The following TAF4B variants were observed in gnomAD, a reference collection of about 807,000 sequenced individuals.
TAF4B encodes transcription initiation factor TFIID subunit 4B.
Under a neutral mutation model 86.4 loss-of-function variants are expected in TAF4B, and 38 were observed. The observed-to-expected ratio is 0.44, with a 90% CI of 0.34 to 0.58. TAF4B has a LOEUF of 0.58. TAF4B is among the 20% of genes least tolerant of loss of function. The pLI, the probability that TAF4B is intolerant of heterozygous loss-of-function variation, is 0.02. For synonymous variants in TAF4B, 388 were observed against 391.2 expected (o/e 0.99, Z 0.10); for missense variants, 988 against 1,027.6 (o/e 0.96, Z 0.53).
chr18:26,295,576 G>A (rs1167241697), intron 9 of TAF4B, among the ~76,000 whole-genome samples: 1 of 152,186 alleles, frequency 6.6e-6, no homozygotes, highest in South Asian at 2.1e-4. Flanking sequence ...GCTCGCTTGC[G>A]CACCTCTCAC....
At chr18:26,322,855 A>G (rs2056974122) in intron 11 of TAF4B, among the ~76,000 whole-genome samples, 2 of 151,784 alleles carry the variant, frequency 1.3e-5, no homozygotes, top group Non-Finnish European at 2.9e-5. Context: ...TCTTCCTTTT[A>G]TAATGTAGGC....
intron 1 of TAF4B, among the ~76,000 whole-genome samples, chr18:26,255,290 C>T (rs2056065289): frequency 1.3e-5 from 2 of 148,698 alleles, no homozygotes; most frequent in African/African-American, 4.9e-5. Flanking sequence ...GTAAGTTAGA[C>T]ACTGGCTTCA....
At position 26,292,253 on chromosome 18, in the gene TAF4B, A is replaced by G; in HGVS notation, c.1598A>G (p.Gln533Arg). ...TAGTTCTCATTGTTTCAGGTAGTTC[A>G]GCAGCCTTCAGGAGGCAATGAAAAA... Reference protein sequence around the residue: ...QAVQVKQLVVQQPSGGNEKQV... With the variant: ...QAVQVKQLVVRQPSGGNEKQV... The change falls in exon 8 of 15, where the codon CAG becomes CGG. Residue 533 changes from glutamine to arginine, a missense_variant. Physicochemically the swap from Gln to Arg is conservative, Grantham distance 43 (BLOSUM62 1). Coordinates refer to ENST00000269142, the MANE Select transcript of TAF4B (RefSeq NM_005640.3). The G allele has an allele frequency of 6.2e-7, 1 of 1,613,940 alleles. No homozygotes were observed.
rs1978615453 is a variant in TAF4B at position 26,390,067 on chromosome 18, G to A, written c.*55G>A. Reference sequence around the variant, plus strand: ...TATTTACTGCCAAAGAAGACACAAAGCATTGTTGCACTGTCCTGAAATTTC... The same window carrying A: ...TATTTACTGCCAAAGAAGACACAAAACATTGTTGCACTGTCCTGAAATTTC... On this transcript the variant is annotated 3_prime_UTR_variant, in exon 15 of 15. Transcript: ENST00000269142. 2.6e-6 allele frequency: 4 copies of A among 1,554,800 alleles called. No homozygotes were observed. The highest frequency in any genetic ancestry group is 1.4e-5 in the African/African-American group (1 of 73,134).
intron 14 of TAF4B, among the ~76,000 whole-genome samples, chr18:26,381,117 C>T (rs56215232): frequency 0.082 from 12,452 of 151,984 alleles, 609 homozygotes; most frequent in Middle Eastern, 0.13. Context: ...CAGGTTCAAG[C>T]GATCCTCCCA....
At chr18:26,293,554 T>G (rs1409245254) in intron 9 of TAF4B, 23 bp downstream of exon 9, 1 of 1,511,020 alleles carries the variant, frequency 6.6e-7, no homozygotes, top group Non-Finnish European at 8.9e-7. Flanking sequence ...ATAGTTAAAT[T>G]TGGTTTAAGG....
chr18:26,260,227 A>G (rs1305828710), intron 1 of TAF4B, among the ~76,000 whole-genome samples: 5 of 152,242 alleles, frequency 3.3e-5, no homozygotes, highest in Admixed American at 3.3e-4. Context: ...CCCATTCTGT[A>G]GGTTGCCTGT....
At chr18:26,264,294 A>G (rs892684992) in intron 1 of TAF4B, among the ~76,000 whole-genome samples, 4 of 152,308 alleles carry the variant, frequency 2.6e-5, no homozygotes, top group African/African-American at 9.6e-5. Flanking sequence ...CAAAAAAATT[A>G]GCTGGGCATG....
chr18:26,286,643 TTGCTTTG>T, intron 7 of TAF4B, 144 bp downstream of exon 7: 1 of 838,432 alleles, frequency 1.2e-6, no homozygotes, highest in Non-Finnish European at 1.8e-6. Context: ...TTTACCTCAT[TTGCTTTG>T]TTTTCCTCTT....
chr18:26,244,671 A>G (rs771632605), intron 1 of TAF4B, among the ~76,000 whole-genome samples: 21 of 152,312 alleles, frequency 1.4e-4, no homozygotes, highest in South Asian at 4.1e-4. Context: ...GGAGCTGTAG[A>G]CTGGAGCTGT....
intron 1 of TAF4B, among the ~76,000 whole-genome samples, chr18:26,262,896 C>A (rs2056189221): frequency 6.6e-6 from 1 of 152,114 alleles, no homozygotes; most frequent in Non-Finnish European, 1.5e-5. Flanking sequence ...AAGTGGAACT[C>A]CAGCTGTGAA....
intron 1 of TAF4B, among the ~76,000 whole-genome samples, chr18:26,239,029 G>C (rs926738593): frequency 3.9e-5 from 6 of 152,182 alleles, no homozygotes; most frequent in Non-Finnish European, 5.9e-5. Flanking sequence ...TTGCTATTGT[G>C]AATAGTGCTG....
chr18:26,359,265 A>G (rs1207545503), intron 14 of TAF4B, among the ~76,000 whole-genome samples: 2 of 152,178 alleles, frequency 1.3e-5, no homozygotes, highest in East Asian at 1.9e-4. Flanking sequence ...CAACCCTCCA[A>G]TGGACATTTA....
intron 13 of TAF4B, among the ~76,000 whole-genome samples, chr18:26,353,481 G>A (rs527759794): frequency 1.3e-5 from 2 of 152,110 alleles, no homozygotes; most frequent in Non-Finnish European, 2.9e-5. Flanking sequence ...CTGTAATCCC[G>A]GCACTTTGGG....
intron 12 of TAF4B, among the ~76,000 whole-genome samples, chr18:26,332,542 T>C (rs537497652): frequency 6.6e-5 from 10 of 152,144 alleles, no homozygotes; most frequent in African/African-American, 1.7e-4. Context: ...GTTGTTGTTA[T>C]TGTTTTTGAG....
At chr18:26,379,656 T>A (rs950145654) in intron 14 of TAF4B, among the ~76,000 whole-genome samples, 1 of 152,112 alleles carries the variant, frequency 6.6e-6, no homozygotes, top group Non-Finnish European at 1.5e-5. Context: ...AACAAGGTTA[T>A]TTTTGGCTAT....
chr18:26,268,893 G>A (rs367699531), intron 3 of TAF4B, among the ~76,000 whole-genome samples: 53 of 152,092 alleles, frequency 3.5e-4, no homozygotes, highest in African/African-American at 1.2e-3. Context: ...TGCAATCTTG[G>A]CTCACTGCAA....
At chr18:26,304,227 A>T (rs1279311685) in intron 9 of TAF4B, among the ~76,000 whole-genome samples, 9 of 151,326 alleles carry the variant, frequency 5.9e-5, no homozygotes, top group Admixed American at 1.3e-4. Flanking sequence ...GTTCATATAA[A>T]ATATATGTTC....
At chr18:26,227,803 C>T (rs899172301) in intron 1 of TAF4B, among the ~76,000 whole-genome samples, 2 of 152,244 alleles carry the variant, frequency 1.3e-5, no homozygotes, top group African/African-American at 4.8e-5. Context: ...AGGCGTGAGC[C>T]ACCGCGTACG....
Sources: allele counts gnomAD v4.1 joint callset (sites outside exome capture counted in the v4.1 genomes callset), GRCh38; gene constraint gnomAD v4.1.1; transcripts MANE v1.5; gene names NCBI Gene and HGNC (gene_info 2026-07-23, HGNC 2026-07-21).